Variants in TTPAL observed in about 807,000 individuals in gnomAD.
TTPAL encodes alpha tocopherol transfer protein like.
Under a neutral mutation model 28.7 loss-of-function variants are expected in TTPAL, and 21 were observed. The observed-to-expected ratio is 0.73, with a 90% CI of 0.52 to 1.06. The LOEUF is 1.06. Among genes scored for constraint, TTPAL ranks in the 50% least tolerant of loss-of-function variants. TTPAL has a pLI of 0.00. For missense variants in TTPAL, 345 were observed against 425.5 expected (o/e 0.81, Z 1.67); for synonymous variants, 169 against 171.9 (o/e 0.98, Z 0.13).
At chr20:44,488,423 T>C (rs1397331599) in intron 4 of TTPAL, among the ~76,000 whole-genome samples, 1 of 152,196 alleles carries the variant, frequency 6.6e-6, no homozygotes, top group Non-Finnish European at 1.5e-5. Context: ...CAGAAATATC[T>C]ATTGATCAAC....
chr20:44,478,890 C>T (rs908718164), intron 1 of TTPAL, among the ~76,000 whole-genome samples: 1 of 152,024 alleles, frequency 6.6e-6, no homozygotes, highest in Non-Finnish European at 1.5e-5. Context: ...CCCGGGTTCA[C>T]GCCATTCTCC....
In TTPAL at chr20:44,493,009, G is replaced by A. The variant is rs1197627248; in HGVS notation, c.*3468G>A. 1 of 152,324 alleles carries A rather than the reference G, an allele frequency of 6.6e-6. No homozygotes were observed. The highest frequency in any genetic ancestry group is 1.5e-5 in the Non-Finnish European group (1 of 68,042). The allele number at this position is 152,324 out of a possible 1,614,324, so 9.4% of individuals were successfully genotyped here. A position where few individuals can be genotyped will look rare whatever the true frequency, so the allele number is the denominator to read the frequency against. On this transcript the variant is annotated 3_prime_UTR_variant, in exon 5 of 5. Coordinates refer to ENST00000262605, the MANE Select transcript of TTPAL (RefSeq NM_001039199.3). The stretch of plus-strand genomic sequence containing the variant: ...TGTAAGTCAGGTTACAAGGCCGGGA[G>A]CGGTGGCTCACACCTGTAATCCCAA...
chr20:44,486,843 C>G (rs1600793896), intron 4 of TTPAL, 137 bp downstream of exon 4: 3 of 591,522 alleles, frequency 5.1e-6, no homozygotes, highest in East Asian at 2.9e-5. Context: ...AATAAATGAA[C>G]AGTCCCTTTT....
intron 1 of TTPAL, among the ~76,000 whole-genome samples, chr20:44,479,395 AGTT>A (rs2064078531): frequency 1.6e-5 from 2 of 124,424 alleles, no homozygotes; most frequent in Non-Finnish European, 3.4e-5. Context: ...TCTGAATCTG[AGTT>A]GTTTTTTTTT....
intron 1 of TTPAL, among the ~76,000 whole-genome samples, chr20:44,479,623 G>A (rs1223964885): frequency 6.6e-6 from 1 of 151,848 alleles, no homozygotes; most frequent in Non-Finnish European, 1.5e-5. Context: ...CAGGTGATCC[G>A]CCTGCCCCAA....
At position 44,480,464 on chromosome 20, in the gene TTPAL, T is replaced by G. The variant is rs2122792522; in HGVS notation, c.445+20T>G. On this transcript the variant is annotated intron_variant, in intron 2 of 4. Coordinates refer to ENST00000262605, the MANE Select transcript of TTPAL (RefSeq NM_001039199.3). The surrounding 1 kb of genome is among the most constrained non-coding windows in gnomAD (Gnocchi z 4.1). Reference sequence around the variant, plus strand: ...GCCCAGGTATCTCCCTAGACTGTTGTGGGGTGTGTGTGTCCAGTCCTTCTG... The same window carrying G: ...GCCCAGGTATCTCCCTAGACTGTTGGGGGGTGTGTGTGTCCAGTCCTTCTG... 2 of 1,564,946 alleles carry G rather than the reference T, an allele frequency of 1.3e-6. No homozygotes were observed. Among genetic ancestry groups the G allele is most frequent in the Non-Finnish European group, 1.7e-6 (2 of 1,154,526 alleles).
At chr20:44,481,727 C>T (rs2064107405) in intron 2 of TTPAL, among the ~76,000 whole-genome samples, 1 of 152,240 alleles carries the variant, frequency 6.6e-6, no homozygotes, top group Non-Finnish European at 1.5e-5. Flanking sequence ...ATTCCCCAAA[C>T]TCTCTTTGGA....
rs2064215050 is a variant in TTPAL at position 44,492,391 on chromosome 20, T to C, written c.*2850T>C. 1 of 152,312 alleles carries C rather than the reference T, an allele frequency of 6.6e-6. No individual in the cohort carries two copies. The highest frequency in any genetic ancestry group is 2.4e-5 in the African/African-American group (1 of 41,440). 9.4% of individuals were successfully genotyped at this position (152,312 alleles called of 1,614,324 possible). On this transcript the variant is annotated 3_prime_UTR_variant, in exon 5 of 5. Coordinates refer to ENST00000262605, the MANE Select transcript of TTPAL (RefSeq NM_001039199.3). ...ACTTTTCCCTAAATTCAAGATAGTGTGGTGTCGGAAGGAAATGGGACAGTA... is the reference window on the plus strand; with the variant it reads ...ACTTTTCCCTAAATTCAAGATAGTGCGGTGTCGGAAGGAAATGGGACAGTA...
Position 44,480,186 on chromosome 20 carries a change from G to A in TTPAL, c.187G>A (p.Asp63Asn). The part of the protein sequence containing the change: ...WRLRDVQALR[D>N]MVRKEYPNLS... ...ACTTCGAGATGTGCAGGCCCTTCGT[G>A]ACATGGTGCGGAAGGAGTACCCCAA... Residue 63 changes from aspartate to asparagine, a missense_variant, in exon 2 of 5, where the codon GAC becomes AAC. By Grantham distance (23) the Asp-to-Asn change is conservative (BLOSUM62 1). Coordinates refer to ENST00000262605, the MANE Select transcript of TTPAL (RefSeq NM_001039199.3). This position sits in a 1 kb window ranked among gnomAD's most constrained non-coding sequence, Gnocchi z 4.1. 2.5e-6 allele frequency: 4 copies of A among 1,614,140 alleles called. No homozygotes were observed. Among genetic ancestry groups the A allele is most frequent in the Non-Finnish European group, 3.4e-6 (4 of 1,180,018 alleles).
At position 44,492,714 on chromosome 20, in the gene TTPAL, C is replaced by T. The variant is rs1271931857; in HGVS notation, c.*3173C>T. ...TTCCTCTTCTTCCCCCATATCCCAA[C>T]ATGGAATTCTGGAAAACTGTGCCTC... On this transcript the variant is annotated 3_prime_UTR_variant, in exon 5 of 5. Transcript: ENST00000262605. The T allele has an allele frequency of 2.6e-5, 4 of 152,226 alleles. No homozygotes were observed. The East Asian group carries it at 7.5e-4, about 29-fold the overall frequency. 9.4% of individuals were successfully genotyped at this position (152,226 alleles called of 1,614,324 possible).
At chr20:44,477,680 C>A (rs67522655) in intron 1 of TTPAL, among the ~76,000 whole-genome samples, 25,903 of 151,128 alleles carry the variant, frequency 0.17, 2,860 homozygotes, top group African/African-American at 0.32. Context: ...TCTGAGATAG[C>A]GTCTCGCCCT....
At position 44,484,409 on chromosome 20, in the gene TTPAL, T is replaced by C. The variant is rs779093398; in HGVS notation, c.518T>C (p.Ile173Thr). ...ATATACTTGACCTTAGAAAAACTCA[T>C]TCAGTCTGAAGAAACCCAGGTGAAT... ...RAIYLTLEKL[I>T]QSEETQVNGI... The change falls in exon 3 of 5, where the codon ATT becomes ACT. Residue 173 changes from isoleucine (I) to threonine (T), a missense_variant. Physicochemically the swap from Ile to Thr is moderately conservative, Grantham distance 89. Transcript: ENST00000262605. The C allele has an allele frequency of 6.2e-7, 1 of 1,607,666 alleles. No homozygotes were observed. Among genetic ancestry groups the C allele is most frequent in the Non-Finnish European group, 8.5e-7 (1 of 1,174,610 alleles).
rs776795008 is a variant in TTPAL at position 44,489,502 on chromosome 20, C to T, written c.990C>T (p.Ser330=). Residue 330 remains serine, a synonymous_variant, in exon 5 of 5, where the codon TCC becomes TCT. Transcript: ENST00000262605. ...CCTCAGATGCACAGTGTGACGACTC[C>T]TTGCGAGCTGTGAAGTCACAGCTGT... ...GLTSDAQCDD[S]LRAVKSQLYS... 16 of 1,614,100 alleles carry T rather than the reference C, an allele frequency of 9.9e-6. No individual in the cohort carries two copies. Among genetic ancestry groups the T allele is most frequent in the South Asian group, 5.5e-5 (5 of 91,084 alleles).
At chr20:44,479,702 A>G (rs1020293546) in intron 1 of TTPAL, among the ~76,000 whole-genome samples, 2 of 152,182 alleles carry the variant, frequency 1.3e-5, no homozygotes, top group Non-Finnish European at 2.9e-5. Context: ...TTAATGATGA[A>G]TAAGGTCGAG....
At chr20:44,484,918 G>C (rs1215479078) in intron 3 of TTPAL, among the ~76,000 whole-genome samples, 1 of 152,170 alleles carries the variant, frequency 6.6e-6, no homozygotes, top group Non-Finnish European at 1.5e-5. Flanking sequence ...TTTGAGACCA[G>C]CCTGGCCAAC....
rs1411443514 is a variant in TTPAL at position 44,491,552 on chromosome 20, A to G, written c.*2011A>G. 1 of 152,258 alleles carries G rather than the reference A, an allele frequency of 6.6e-6. No individual in the cohort carries two copies. The highest frequency in any genetic ancestry group is 1.9e-4 in the East Asian group (1 of 5,336). The allele number at this position is 152,258 out of a possible 1,614,324, so 9.4% of individuals were successfully genotyped here. A position where few individuals can be genotyped will look rare whatever the true frequency, so the allele number is the denominator to read the frequency against. Reference sequence around the variant, plus strand: ...TTGTTGGTGGAAATTAAGTTACTTAACCTCATTAATACCAATTCTAGAGAA... The same window carrying G: ...TTGTTGGTGGAAATTAAGTTACTTAGCCTCATTAATACCAATTCTAGAGAA... On this transcript the variant is annotated 3_prime_UTR_variant, in exon 5 of 5. Coordinates refer to ENST00000262605, the MANE Select transcript of TTPAL (RefSeq NM_001039199.3).
At chr20:44,479,008 C>T (rs2064073376) in intron 1 of TTPAL, among the ~76,000 whole-genome samples, 1 of 152,210 alleles carries the variant, frequency 6.6e-6, no homozygotes, top group Non-Finnish European at 1.5e-5. Context: ...CGAGGATGGT[C>T]TCGATCGCCT....
intron 1 of TTPAL, among the ~76,000 whole-genome samples, chr20:44,479,268 G>C (rs1470000201): frequency 6.6e-6 from 1 of 152,088 alleles, no homozygotes; most frequent in African/African-American, 2.4e-5. Context: ...TGGAATTGCT[G>C]ACCCAAAGGG....
At chr20:44,481,965 C>A (rs1038463682) in intron 2 of TTPAL, among the ~76,000 whole-genome samples, 2 of 152,212 alleles carry the variant, frequency 1.3e-5, no homozygotes, top group Non-Finnish European at 2.9e-5. Context: ...TATTACAACA[C>A]TGATTGCACC....
Sources: gnomAD v4.1 joint callset for allele counts (sites outside exome capture counted in the v4.1 genomes callset) on GRCh38, gnomAD v4.1.1 for gene constraint, Gnocchi (gnomAD v3.1) non-coding constraint, MANE v1.5 for transcripts, NCBI Gene and HGNC (gene_info 2026-07-23, HGNC 2026-07-21) for gene names.